The following UST variants were observed in gnomAD, a reference collection of about 807,000 sequenced individuals.
UST encodes uronyl 2-sulfotransferase.
A neutral mutation model predicts 45.6 loss-of-function variants in UST; 21 were observed. The ratio of observed to expected loss-of-function variants is 0.46; its 90% CI spans 0.33 to 0.66. The LOEUF (loss-of-function observed/expected upper bound fraction) is 0.66, where lower values mean the gene tolerates loss of function less well. UST is among the 30% of genes least tolerant of loss of function. The pLI is 0.02. For synonymous variants in UST, 215 were observed against 200.6 expected, an observed-to-expected ratio of 1.07 and a Z score of -0.61; for missense variants, 463 against 512.4, an observed-to-expected ratio of 0.90 and a Z score of 0.93.
intron 5 of UST, among the ~76,000 whole-genome samples, chr6:148,994,842 T>A (rs551777747): frequency 6.6e-6 from 1 of 152,306 alleles, no homozygotes; most frequent in Non-Finnish European, 1.5e-5. Context: ...TCCTTGCATT[T>A]CCAGGACCAC....
At chr6:149,046,635 A>T (rs1232500727) in intron 7 of UST, among the ~76,000 whole-genome samples, 2 of 152,222 alleles carry the variant, frequency 1.3e-5, no homozygotes, top group African/African-American at 4.8e-5. Flanking sequence ...AAAGCAGAGA[A>T]TGGTGACCTC....
At chr6:148,959,853 G>T (rs1780613020) in intron 4 of UST, among the ~76,000 whole-genome samples, 2 of 151,780 alleles carry the variant, frequency 1.3e-5, no homozygotes, top group Non-Finnish European at 2.9e-5. Context: ...TGGGCGGAGG[G>T]GAGTCTAGTC....
chr6:148,915,066 T>C (rs1176268978), intron 2 of UST, among the ~76,000 whole-genome samples: 3 of 152,084 alleles, frequency 2.0e-5, no homozygotes, highest in African/African-American at 7.2e-5. Flanking sequence ...GGTCTTTTTT[T>C]ATAAGAGCAC....
At chr6:148,846,625 A>G (rs575443377) in intron 1 of UST, among the ~76,000 whole-genome samples, 1 of 152,230 alleles carries the variant, frequency 6.6e-6, no homozygotes, top group East Asian at 1.9e-4. Flanking sequence ...AAAATAAATA[A>G]ATAAATAAAA....
intron 1 of UST, among the ~76,000 whole-genome samples, chr6:148,822,940 G>A (rs1777494304): frequency 6.6e-6 from 1 of 152,210 alleles, no homozygotes; most frequent in Non-Finnish European, 1.5e-5. Context: ...TAGAGCTGAT[G>A]TAATGTATTT....
chr6:148,921,026 G>A (rs952507515), intron 2 of UST, among the ~76,000 whole-genome samples: 1 of 152,220 alleles, frequency 6.6e-6, no homozygotes, highest in Non-Finnish European at 1.5e-5. Flanking sequence ...ATAGATGGCT[G>A]GAGAGGTAAT....
rs113692641 is a variant in UST, at chr6:148,964,827, C to A, written c.681+264C>A. The A allele has an allele frequency of 2.7e-3, 1,322 of 483,544 alleles. 18 individuals are homozygous for A. Among genetic ancestry groups the A allele is most frequent in the African/African-American group, 0.023 (1,199 of 51,616 alleles). The allele number at this position is 483,544 out of a possible 1,614,324, so 30.0% of individuals were successfully genotyped here. A position where few individuals can be genotyped will look rare whatever the true frequency, so the allele number is the denominator to read the frequency against. Reference sequence around the variant, plus strand: ...TAGTGCTAGGTTTTGGGACCCAGAGCGTTAACAGTCTTTCCTAAGGAGTCC... The same window carrying A: ...TAGTGCTAGGTTTTGGGACCCAGAGAGTTAACAGTCTTTCCTAAGGAGTCC... On this transcript the variant is annotated intron_variant, in intron 5 of 7. Coordinates refer to ENST00000367463, the MANE Select transcript of UST (RefSeq NM_005715.3).
intron 7 of UST, among the ~76,000 whole-genome samples, chr6:149,033,630 GAA>G (rs1776188828): frequency 6.6e-6 from 1 of 152,166 alleles, no homozygotes; most frequent in African/African-American, 2.4e-5. Context: ...CTGATGAGAA[GAA>G]GAGAGGGTTG....
intron 1 of UST, among the ~76,000 whole-genome samples, chr6:148,863,655 G>A (rs549005389): frequency 6.6e-6 from 1 of 152,156 alleles, no homozygotes; most frequent in Non-Finnish European, 1.5e-5. Flanking sequence ...TTTGGTCTTT[G>A]ATGATGGTGA....
chr6:148,904,467 C>G (rs1051187156), intron 2 of UST, among the ~76,000 whole-genome samples: 2 of 151,944 alleles, frequency 1.3e-5, no homozygotes, highest in Admixed American at 6.6e-5. Flanking sequence ...AGAAAATTAG[C>G]AAAAATTATT....
intron 1 of UST, among the ~76,000 whole-genome samples, chr6:148,810,086 G>A (rs1484318422): frequency 1.3e-5 from 2 of 152,290 alleles, no homozygotes; most frequent in East Asian, 3.9e-4. Flanking sequence ...ATGCAGTTGG[G>A]TTAAATTAGT....
chr6:149,005,922 G>T (rs1302163446), intron 5 of UST, among the ~76,000 whole-genome samples: 1 of 152,154 alleles, frequency 6.6e-6, no homozygotes, highest in Admixed American at 6.5e-5. Context: ...CAGATTTGAA[G>T]AGGGAGCAGT....
At chr6:149,008,202 A>G (rs1055301672) in intron 5 of UST, among the ~76,000 whole-genome samples, 4 of 152,250 alleles carry the variant, frequency 2.6e-5, no homozygotes, top group Non-Finnish European at 5.9e-5. Context: ...GGCATTTTTA[A>G]TATTTGTAGA....
Position 149,074,066 on chromosome 6 carries a change from G to A in UST, c.1171G>A (p.Asp391Asn), listed in dbSNP as rs1430064691. ...TPLETEEPID[D>N]EEQDDEKWLE... is the part of the protein sequence containing the mutation. ...ACTGGAAACCGAGGAGCCAATCGAC[G>A]ATGAAGAACAGGATGATGAAAAGTG... is the stretch of plus-strand genomic sequence containing the variant. The change falls in exon 8 of 8, where the codon GAT (aspartate) becomes AAT (asparagine). Residue 391 changes from aspartate (D) to asparagine (N), a missense_variant. Physicochemically the swap from Asp to Asn is conservative, Grantham distance 23 (BLOSUM62 1). Around this residue, in one of 2 missense-constraint regions of UST, gnomAD observed 287 missense variants for 374.2 expected, o/e 0.77. Transcript: ENST00000367463. The A allele has an allele frequency of 8.7e-6, 14 of 1,614,184 alleles. No individual in the cohort carries two copies. The highest frequency in any genetic ancestry group is 5.0e-5 in the Admixed American group (3 of 60,022).
At chr6:149,029,849 A>G (rs1018440947) in intron 7 of UST, among the ~76,000 whole-genome samples, 2 of 148,738 alleles carry the variant, frequency 1.3e-5, no homozygotes, top group Non-Finnish European at 3.0e-5. Flanking sequence ...AGATCCTAAT[A>G]ATGTCAGCAC....
At chr6:149,067,751 C>T (rs540211869) in intron 7 of UST, among the ~76,000 whole-genome samples, 25 of 152,284 alleles carry the variant, frequency 1.6e-4, no homozygotes, top group African/African-American at 6.0e-4. Context: ...TGAGTGAAAT[C>T]ATAAGAGCCA....
intron 1 of UST, among the ~76,000 whole-genome samples, chr6:148,751,555 T>TA (rs1430959272): frequency 1.3e-5 from 2 of 152,224 alleles, no homozygotes; most frequent in Non-Finnish European, 1.5e-5. Flanking sequence ...TGTTCTGCTG[T>TA]AACACATTTG....
chr6:148,876,603 T>C lies in UST; in HGVS notation c.248-10383T>C, dbSNP rs112490540. On this transcript the variant is annotated intron_variant, in intron 1 of 7. Coordinates refer to ENST00000367463, the MANE Select transcript of UST (RefSeq NM_005715.3). ...TCACTACTCAGTTCTACTGAATCCA[T>C]TAAGTGATTCCCCTGAGGCTCCTTT... 3.2e-4 allele frequency among the ~76,000 whole-genome samples: 49 copies of C among 152,272 alleles called. 1 individual carries two copies. The highest frequency in any genetic ancestry group is 3.4e-3 in the Middle Eastern group (1 of 294).
At chr6:148,970,777 C>A (rs1350569953) in intron 5 of UST, among the ~76,000 whole-genome samples, 1 of 152,176 alleles carries the variant, frequency 6.6e-6, no homozygotes, top group Non-Finnish European at 1.5e-5. Flanking sequence ...TTCAAAGACA[C>A]CAACGGTGGG....
Sources: allele counts gnomAD v4.1 joint callset (sites outside exome capture counted in the v4.1 genomes callset), GRCh38; gene constraint gnomAD v4.1.1; regional missense constraint gnomAD v4.1.1; transcripts MANE v1.5; gene names NCBI Gene and HGNC (gene_info 2026-07-23, HGNC 2026-07-21).